Variants in CSMD1 observed in about 807,000 individuals in gnomAD.
The protein encoded by CSMD1 is CUB and Sushi multiple domains 1.
Under a neutral mutation model 417.5 loss-of-function variants are expected in CSMD1, and 213 were observed. The ratio of observed to expected loss-of-function variants is 0.51; its 90% CI spans 0.46 to 0.57. CSMD1 has a LOEUF of 0.57. Among genes scored for constraint, CSMD1 ranks in the 20% least tolerant of loss-of-function variants. The pLI is 0.00. For missense variants in CSMD1, 6,923 were observed against 4,529.7 expected, an observed-to-expected ratio of 1.53 and a Z score of -15.17; for synonymous variants, 2,862 against 1,736.8, an observed-to-expected ratio of 1.65 and a Z score of -16.11.
intron 29 of CSMD1, among the ~76,000 whole-genome samples, chr8:3,218,616 A>G (rs2116843569): frequency 6.6e-6 from 1 of 151,810 alleles, no homozygotes; most frequent in African/African-American, 2.4e-5. Flanking sequence ...TCACGTCTAT[A>G]ATCACAGCAC....
chr8:2,991,081 C>T (rs1421311297), intron 54 of CSMD1, among the ~76,000 whole-genome samples: 3 of 152,178 alleles, frequency 2.0e-5, no homozygotes, highest in Non-Finnish European at 1.5e-5. Context: ...GCAGCAAAGC[C>T]TTATACAATA....
At chr8:3,451,580 C>T (rs2117107597) in intron 12 of CSMD1, among the ~76,000 whole-genome samples, 1 of 152,292 alleles carries the variant, frequency 6.6e-6, no homozygotes, top group East Asian at 1.9e-4. Flanking sequence ...GGAATCCTTT[C>T]CCCATTTCCT....
chr8:3,670,562 C>A (rs1005314651), intron 7 of CSMD1, among the ~76,000 whole-genome samples: 3 of 108,200 alleles, frequency 2.8e-5, no homozygotes. Context: ...TATATATATG[C>A]GATATATATA....
Position 3,733,168 on chromosome 8 carries a change from TACACACACACAC to T in CSMD1, c.931+20750_931+20761del, listed in dbSNP as rs75223191. 4.6e-3 allele frequency among the ~76,000 whole-genome samples: 645 copies of T among 140,422 alleles called. 3 individuals carry two copies. Among genetic ancestry groups the T allele is most frequent in the Non-Finnish European group, 6.4e-3 (424 of 65,832 alleles). 92.1% of individuals were successfully genotyped at this position (140,422 alleles called of 152,430 possible). On this transcript the variant is annotated intron_variant, in intron 6 of 69. Coordinates refer to ENST00000635120, the MANE Select transcript of CSMD1 (RefSeq NM_033225.6). ...AGACTCAGTACCAGGAGGCCATAAA[TACACACACACAC>T]ACACACACACACACACACACACACA...
intron 21 of CSMD1, among the ~76,000 whole-genome samples, chr8:3,356,032 A>G (rs964149238): frequency 6.6e-6 from 1 of 152,224 alleles, no homozygotes; most frequent in African/African-American, 2.4e-5. Flanking sequence ...TTTCATTTCA[A>G]AGTGACTTGA....
intron 4 of CSMD1, among the ~76,000 whole-genome samples, chr8:4,011,865 C>A (rs1021782331): frequency 6.6e-6 from 1 of 152,072 alleles, no homozygotes; most frequent in African/African-American, 2.4e-5. Context: ...GTTCCAGGAT[C>A]CACAATGCTC....
intron 1 of CSMD1, among the ~76,000 whole-genome samples, chr8:4,689,939 C>T (rs1431218426): frequency 6.6e-6 from 1 of 152,142 alleles, no homozygotes; most frequent in Non-Finnish European, 1.5e-5. Flanking sequence ...TTATCACTTT[C>T]TCCCCTGCAG....
chr8:4,088,511 C>T (rs1156249833), intron 3 of CSMD1, among the ~76,000 whole-genome samples: 1 of 152,174 alleles, frequency 6.6e-6, no homozygotes. Flanking sequence ...TTGTTTTCAA[C>T]CCATGTCACT....
At chr8:4,150,191 C>G (rs1178150830) in intron 3 of CSMD1, among the ~76,000 whole-genome samples, 1 of 152,186 alleles carries the variant, frequency 6.6e-6, no homozygotes, top group Non-Finnish European at 1.5e-5. Context: ...AGGCATCTGT[C>G]TTGTAGTCAC....
chr8:4,494,087 G>T (rs1801860662), intron 2 of CSMD1, among the ~76,000 whole-genome samples: 1 of 152,160 alleles, frequency 6.6e-6, no homozygotes, highest in African/African-American at 2.4e-5. Context: ...ACAACACAAG[G>T]CTTCCAAAGG....
intron 3 of CSMD1, among the ~76,000 whole-genome samples, chr8:4,257,675 A>T (rs1803559481): frequency 6.6e-6 from 1 of 152,214 alleles, no homozygotes; most frequent in African/African-American, 2.4e-5. Flanking sequence ...CTCAGGGTGC[A>T]GCAGTCTTAG....
At position 3,670,158 on chromosome 8, in the gene CSMD1, G is replaced by C. The variant is rs186991020; in HGVS notation, c.1009+38256C>G. Among the ~76,000 whole-genome samples, 29 of 152,124 alleles carry C rather than the reference G, an allele frequency of 1.9e-4. 2 individuals carry two copies. The highest frequency in any genetic ancestry group is 1.9e-3 in the Admixed American group (29 of 15,258). ...GATGCCAAAGGAGATTAATATTTGA[G>C]TCAATGGATCAGGGAAGGCAGACTT... On this transcript the variant is annotated intron_variant, in intron 7 of 69. Transcript: ENST00000635120.
chr8:4,258,223 G>C (rs973475624), intron 3 of CSMD1, among the ~76,000 whole-genome samples: 1 of 148,460 alleles, frequency 6.7e-6, no homozygotes, highest in South Asian at 2.2e-4. Flanking sequence ...GAGATTAAAG[G>C]CATGAGCCAG....
intron 5 of CSMD1, among the ~76,000 whole-genome samples, chr8:3,975,028 A>T (rs1284033862): frequency 6.6e-6 from 1 of 152,176 alleles, no homozygotes; most frequent in African/African-American, 2.4e-5. Context: ...ATAAATTTTA[A>T]AGTATTTTAA....
At chr8:4,840,784 G>C (rs753871336) in intron 1 of CSMD1, among the ~76,000 whole-genome samples, 3 of 152,080 alleles carry the variant, frequency 2.0e-5, no homozygotes, top group Non-Finnish European at 4.4e-5. Context: ...TGTCCATGTC[G>C]TTATGCACAG....
chr8:4,203,762 G>A (rs1019023745), intron 3 of CSMD1, among the ~76,000 whole-genome samples: 4 of 151,928 alleles, frequency 2.6e-5, no homozygotes, highest in Non-Finnish European at 5.9e-5. Context: ...ATAGACATTT[G>A]CATATATATG....
At chr8:4,909,250 T>C (rs1805502285) in intron 1 of CSMD1, among the ~76,000 whole-genome samples, 1 of 152,144 alleles carries the variant, frequency 6.6e-6, no homozygotes, top group African/African-American at 2.4e-5. Flanking sequence ...ACCTTCCTAC[T>C]AGCTGTGAGT....
chr8:4,732,588 C>T (rs915664813), intron 1 of CSMD1, among the ~76,000 whole-genome samples: 12 of 152,118 alleles, frequency 7.9e-5, no homozygotes, highest in Non-Finnish European at 1.6e-4. Flanking sequence ...AGAAGCACTG[C>T]TTTCATGACC....
At chr8:4,739,097 C>T (rs573664841) in intron 1 of CSMD1, among the ~76,000 whole-genome samples, 26 of 151,998 alleles carry the variant, frequency 1.7e-4, no homozygotes, top group Non-Finnish European at 2.2e-4. Flanking sequence ...TACATGTGAA[C>T]ATACACACGT....
Sources: gnomAD v4.1 joint callset for allele counts (sites outside exome capture counted in the v4.1 genomes callset) on GRCh38, gnomAD v4.1.1 for gene constraint, MANE v1.5 for transcripts, NCBI Gene and HGNC (gene_info 2026-07-23, HGNC 2026-07-21) for gene names.